RAPGEF4: variants seen among roughly 807,000 people sequenced by gnomAD.
The protein encoded by RAPGEF4 is Rap guanine nucleotide exchange factor 4.
In RAPGEF4, 66 loss-of-function variants were observed where a neutral mutation model predicts 147.9. The observed-to-expected ratio is 0.45, with a 90% CI of 0.37 to 0.55. RAPGEF4 has a LOEUF of 0.55. Ranked by LOEUF, RAPGEF4 falls within the 20% of genes least tolerant of loss-of-function variation. The pLI, the probability that RAPGEF4 is intolerant of heterozygous loss-of-function variation, is 0.00. For missense variants in RAPGEF4, 1,071 were observed against 1,257.3 expected, an observed-to-expected ratio of 0.85 and a Z score of 2.24; for synonymous variants, 419 against 442.7, an observed-to-expected ratio of 0.95 and a Z score of 0.67.
At chr2:172,867,583 A>G (rs145854509) in intron 4 of RAPGEF4, among the ~76,000 whole-genome samples, 91 of 152,344 alleles carry the variant, frequency 6.0e-4, no homozygotes, top group Non-Finnish European at 9.0e-4. Context: ...AAATGTATCT[A>G]TCTCATGTTG....
chr2:173,044,607 T>G (rs1184931963), intron 29 of RAPGEF4, among the ~76,000 whole-genome samples: 1 of 152,230 alleles, frequency 6.6e-6, no homozygotes, highest in African/African-American at 2.4e-5. Context: ...CTAAGCCCTG[T>G]AGGCCACGAA....
intron 1 of RAPGEF4, among the ~76,000 whole-genome samples, chr2:172,761,662 G>A (rs1696356708): frequency 6.6e-6 from 1 of 152,112 alleles, no homozygotes; most frequent in Non-Finnish European, 1.5e-5. Context: ...TGGAATATCA[G>A]GGAGAAAGAA....
intron 6 of RAPGEF4, among the ~76,000 whole-genome samples, chr2:172,944,341 C>T (rs1445364370): frequency 1.3e-5 from 2 of 152,294 alleles, no homozygotes; most frequent in East Asian, 3.9e-4. Context: ...ATGCAGCCCA[C>T]CATTTTGAAA....
chr2:172,800,894 C>G (rs1173168382), intron 3 of RAPGEF4, among the ~76,000 whole-genome samples: 1 of 152,154 alleles, frequency 6.6e-6, no homozygotes, highest in Non-Finnish European at 1.5e-5. Flanking sequence ...CAAGTTGACA[C>G]ATACAATTAA....
chr2:172,857,364 G>A (rs969853644), intron 4 of RAPGEF4, among the ~76,000 whole-genome samples: 10 of 152,184 alleles, frequency 6.6e-5, no homozygotes, highest in East Asian at 3.9e-4. Context: ...ATTCTGGAAC[G>A]TATAGGGCCT....
At chr2:172,865,279 T>A (rs1008104283) in intron 4 of RAPGEF4, among the ~76,000 whole-genome samples, 1 of 152,144 alleles carries the variant, frequency 6.6e-6, no homozygotes, top group African/African-American at 2.4e-5. Context: ...CCAAACCACC[T>A]CCTTGGTCAC....
chr2:172,738,154 A>G (rs954204785), intron 1 of RAPGEF4, among the ~76,000 whole-genome samples: 4 of 152,194 alleles, frequency 2.6e-5, no homozygotes, highest in African/African-American at 9.6e-5. Flanking sequence ...GAAGTTGGCT[A>G]GGGAAGCCCC....
In RAPGEF4 at chr2:173,026,635, T is replaced by A; in HGVS notation, c.2317T>A (p.Ser773Thr). The change falls in exon 24 of 31, where the codon TCC becomes ACC. Residue 773 changes from serine (S) to threonine (T), a missense_variant. Physicochemically the swap from Ser to Thr is moderately conservative, Grantham distance 58 (BLOSUM62 1). Transcript: ENST00000397081. Reference protein sequence around the residue: ...GTVGTFELMSSKDLAYQMTIY... With the variant: ...GTVGTFELMSTKDLAYQMTIY... ...AGTGGGAACTTTTGAACTGATGAGC[T>A]CCAAAGATTTAGCATACCAGATGAC... 1 of 1,614,002 alleles carries A rather than the reference T, an allele frequency of 6.2e-7. No homozygotes were observed. Among genetic ancestry groups the A allele is most frequent in the Non-Finnish European group, 8.5e-7 (1 of 1,179,904 alleles).
intron 6 of RAPGEF4, among the ~76,000 whole-genome samples, chr2:172,941,608 G>A (rs748444247): frequency 5.3e-5 from 8 of 152,088 alleles, no homozygotes; most frequent in Non-Finnish European, 1.2e-4. Flanking sequence ...AGTGATTAGG[G>A]GAGTTAGGGT....
intron 3 of RAPGEF4, among the ~76,000 whole-genome samples, chr2:172,801,085 G>T (rs1686930783): frequency 6.6e-6 from 1 of 152,094 alleles, no homozygotes; most frequent in Non-Finnish European, 1.5e-5. Context: ...AGGCATTTGT[G>T]TCCTGTTTTA....
chr2:173,036,939 T>C, intron 29 of RAPGEF4: 1 of 398,902 alleles, frequency 2.5e-6, no homozygotes, highest in Non-Finnish European at 4.5e-6. Flanking sequence ...TGTTTCTTCC[T>C]TGGCAGCCTG....
At chr2:172,958,883 A>G (rs1207558230) in intron 6 of RAPGEF4, among the ~76,000 whole-genome samples, 1 of 152,260 alleles carries the variant, frequency 6.6e-6, no homozygotes, top group Admixed American at 6.5e-5. Context: ...AATCAAAAGC[A>G]TCAACCCACT....
intron 4 of RAPGEF4, among the ~76,000 whole-genome samples, chr2:172,886,100 T>G (rs1697183778): frequency 6.6e-6 from 1 of 152,192 alleles, no homozygotes; most frequent in Non-Finnish European, 1.5e-5. Context: ...GCTCCTAAGA[T>G]CTTTGAGGCT....
Position 172,801,036 on chromosome 2 carries a change from G to A in RAPGEF4, c.297+3423G>A, listed in dbSNP as rs140398300. On this transcript the variant is annotated intron_variant, in intron 3 of 30. Coordinates refer to ENST00000397081, the MANE Select transcript of RAPGEF4 (RefSeq NM_007023.4). ...GCTAAGTGCCTTCCTTGTGTGGCTCGTGTGAGGGGTTCCATGGACATTAAC... is the reference window on the plus strand; with the variant it reads ...GCTAAGTGCCTTCCTTGTGTGGCTCATGTGAGGGGTTCCATGGACATTAAC... 1.1e-4 allele frequency among the ~76,000 whole-genome samples: 16 copies of A among 152,250 alleles called. No individual in the cohort carries two copies. The East Asian group carries it at 1.2e-3, about 11-fold the overall frequency.
intron 6 of RAPGEF4, among the ~76,000 whole-genome samples, chr2:172,949,421 T>C (rs1188390294): frequency 2.0e-5 from 3 of 152,196 alleles, no homozygotes; most frequent in Non-Finnish European, 4.4e-5. Context: ...AGGATATGAC[T>C]GGTGTCTGGC....
At chr2:172,904,185 G>T (rs1699377892) in intron 4 of RAPGEF4, among the ~76,000 whole-genome samples, 1 of 152,110 alleles carries the variant, frequency 6.6e-6, no homozygotes, top group African/African-American at 2.4e-5. Flanking sequence ...TAAGAGCTGG[G>T]CTTCATGTGA....
intron 29 of RAPGEF4, among the ~76,000 whole-genome samples, chr2:173,037,919 A>G (rs1163733136): frequency 6.6e-6 from 1 of 152,216 alleles, no homozygotes; most frequent in African/African-American, 2.4e-5. Context: ...TCTTGAAATC[A>G]AGCTGGCACG....
chr2:173,044,980 A>G (rs962251498), intron 29 of RAPGEF4, among the ~76,000 whole-genome samples: 2 of 152,214 alleles, frequency 1.3e-5, no homozygotes, highest in African/African-American at 4.8e-5. Context: ...CTGCTCTGGC[A>G]GGACCATGAA....
At chr2:173,012,850 G>A (rs1309956230) in intron 17 of RAPGEF4, among the ~76,000 whole-genome samples, 4 of 152,046 alleles carry the variant, frequency 2.6e-5, no homozygotes, top group Admixed American at 6.6e-5. Flanking sequence ...ATGCTCCTAC[G>A]TGCCATTAAA....
Sources: gnomAD v4.1 joint callset for allele counts (sites outside exome capture counted in the v4.1 genomes callset) on GRCh38, gnomAD v4.1.1 for gene constraint, MANE v1.5 for transcripts, NCBI Gene and HGNC (gene_info 2026-07-23, HGNC 2026-07-21) for gene names.